The following SSH2 variants were observed in gnomAD, a reference collection of about 807,000 sequenced individuals.
The protein encoded by SSH2 is protein phosphatase Slingshot homolog 2.
Under a neutral mutation model 135.2 loss-of-function variants are expected in SSH2, and 37 were observed. The ratio of observed to expected loss-of-function variants is 0.27; its 90% CI spans 0.21 to 0.36. The LOEUF (loss-of-function observed/expected upper bound fraction) is 0.36, where lower values mean the gene tolerates loss of function less well. SSH2 is among the 10% of genes least tolerant of loss of function. The pLI is 1.00. For missense variants in SSH2, 1,408 were observed against 1,765.3 expected (o/e 0.80, Z 3.63); for synonymous variants, 628 against 646.2 (o/e 0.97, Z 0.43).
intron 3 of SSH2, chr17:29,776,333 C>G (rs929436251): frequency 2.6e-5 from 4 of 152,094 alleles, no homozygotes; most frequent in Non-Finnish European, 5.9e-5. Context: ...GAGGCATGCC[C>G]AACACACCGT....
In SSH2 at chr17:29,690,775, G is replaced by A. The variant is rs548467283; in HGVS notation, c.357+4684C>T. On this transcript the variant is annotated intron_variant, in intron 5 of 15. Transcript: ENST00000540801. ...AATTCTTAAATATGAATTATATTCT[G>A]TGTAGCCATTAAAAACCATGATTTA... Among the ~76,000 whole-genome samples the A allele has an allele frequency of 2.0e-5, 3 of 152,132 alleles. No individual in the cohort carries two copies. In the East Asian group the frequency reaches 5.8e-4, roughly 29 times the overall value.
chr17:29,672,461 A>C (rs1381276739), intron 8 of SSH2, among the ~76,000 whole-genome samples: 2 of 152,202 alleles, frequency 1.3e-5, no homozygotes, highest in East Asian at 3.9e-4. Flanking sequence ...CCGTATCATT[A>C]GAAAACTAAA....
intron 2 of SSH2, among the ~76,000 whole-genome samples, chr17:29,814,507 G>A (rs2042520310): frequency 6.6e-6 from 1 of 151,016 alleles, no homozygotes; most frequent in Admixed American, 6.6e-5. Context: ...GAAGGATCAG[G>A]AAAAATGGGC....
At chr17:29,661,821 G>A (rs574773453) in intron 11 of SSH2, among the ~76,000 whole-genome samples, 2 of 152,286 alleles carry the variant, frequency 1.3e-5, no homozygotes, top group South Asian at 4.1e-4. Flanking sequence ...CTGACAATGT[G>A]AAGTGATACC....
chr17:29,635,877 C>G, intron 15 of SSH2, 91 bp downstream of exon 15: 2 of 1,007,502 alleles, frequency 2.0e-6, no homozygotes, highest in Non-Finnish European at 3.0e-6. Flanking sequence ...CTCAGCCAGA[C>G]TCTCCATCAA....
intron 1 of SSH2, among the ~76,000 whole-genome samples, chr17:29,916,983 T>C (rs147975423): frequency 4.3e-4 from 64 of 149,088 alleles, no homozygotes; most frequent in Non-Finnish European, 8.2e-4. Flanking sequence ...CTTCAATAAA[T>C]ATAATTTCTT....
intron 1 of SSH2, among the ~76,000 whole-genome samples, chr17:29,899,700 C>G (rs961052047): frequency 1.3e-5 from 2 of 152,156 alleles, no homozygotes; most frequent in African/African-American, 4.8e-5. Flanking sequence ...AATGGCCATA[C>G]TGCCCAAGGT....
At chr17:29,742,971 G>A (rs574676927) in intron 3 of SSH2, among the ~76,000 whole-genome samples, 3 of 144,824 alleles carry the variant, frequency 2.1e-5, no homozygotes, top group Admixed American at 6.9e-5. Flanking sequence ...TCACTCTGTC[G>A]TCCAGGCTGG....
At chr17:29,713,989 T>C (rs1230787485) in intron 3 of SSH2, among the ~76,000 whole-genome samples, 1 of 151,984 alleles carries the variant, frequency 6.6e-6, no homozygotes, top group Non-Finnish European at 1.5e-5. Context: ...TTTGAGAAGG[T>C]CCTCCTCCAA....
chr17:29,783,167 C>T (rs2041877085), intron 3 of SSH2, among the ~76,000 whole-genome samples: 1 of 151,598 alleles, frequency 6.6e-6, no homozygotes. Flanking sequence ...GGCCACAGAA[C>T]TAGTTGGCAG....
At chr17:29,646,302 T>G (rs541888029) in intron 14 of SSH2, among the ~76,000 whole-genome samples, 1 of 152,260 alleles carries the variant, frequency 6.6e-6, no homozygotes, top group East Asian at 1.9e-4. Context: ...CTTACCGATA[T>G]AGGAAGACAT....
At chr17:29,841,570 A>G (rs1226804752) in intron 2 of SSH2, among the ~76,000 whole-genome samples, 1 of 152,254 alleles carries the variant, frequency 6.6e-6, no homozygotes, top group Non-Finnish European at 1.5e-5. Context: ...CTGAGTAATC[A>G]AATGCATACA....
chr17:29,756,780 G>C (rs2041143679), intron 3 of SSH2, among the ~76,000 whole-genome samples: 1 of 151,972 alleles, frequency 6.6e-6, no homozygotes, highest in South Asian at 2.1e-4. Context: ...TCAGCCTCCG[G>C]AGTAGCTGGG....
intron 3 of SSH2, among the ~76,000 whole-genome samples, chr17:29,752,290 A>G (rs1476320224): frequency 6.6e-6 from 1 of 152,190 alleles, no homozygotes; most frequent in East Asian, 1.9e-4. Context: ...ACATTTGTCT[A>G]CTAAAGGTGT....
chr17:29,774,343 C>G (rs1373150912), intron 3 of SSH2, among the ~76,000 whole-genome samples: 2 of 152,098 alleles, frequency 1.3e-5, no homozygotes, highest in Non-Finnish European at 2.9e-5. Context: ...TGGCTCACTG[C>G]AACCTCCTCC....
At chr17:29,913,347 A>AAAAAAAAAATTATATAT in intron 1 of SSH2, among the ~76,000 whole-genome samples, 1 of 28,786 alleles carries the variant, frequency 3.5e-5, no homozygotes, top group Admixed American at 7.3e-4. Context: ...AAAAAAAAAA[A>AAAAAAAAAATTATATAT]ATATATATAT....
intron 3 of SSH2, among the ~76,000 whole-genome samples, chr17:29,721,781 A>T (rs1271322737): frequency 2.0e-5 from 3 of 152,218 alleles, no homozygotes; most frequent in African/African-American, 7.2e-5. Flanking sequence ...CTTATTCACC[A>T]TTAAGAAGAC....
intron 5 of SSH2, among the ~76,000 whole-genome samples, chr17:29,687,189 GA>G (rs2038259903): frequency 6.6e-6 from 1 of 152,066 alleles, no homozygotes; most frequent in Non-Finnish European, 1.5e-5. Context: ...CAGGCCAAGG[GA>G]AAAAGAGGCA....
At chr17:29,888,233 G>C (rs553602101) in intron 1 of SSH2, among the ~76,000 whole-genome samples, 2 of 152,106 alleles carry the variant, frequency 1.3e-5, no homozygotes, top group South Asian at 4.2e-4. Context: ...GTAAGACCCT[G>C]TCCCATCCAC....
Sources: gnomAD v4.1 joint callset for allele counts (sites outside exome capture counted in the v4.1 genomes callset) on GRCh38, gnomAD v4.1.1 for gene constraint, MANE v1.5 for transcripts, NCBI Gene and HGNC (gene_info 2026-07-23, HGNC 2026-07-21) for gene names.